Variants in PPID observed in about 807,000 individuals in gnomAD.
PPID encodes the protein peptidylprolyl isomerase D, also known as peptidyl-prolyl cis-trans isomerase D.
PPID carries 47 observed loss-of-function variants against 48.1 expected under a neutral mutation model. The observed-to-expected ratio is 0.98, with a 90% CI of 0.77 to 1.25. PPID has a LOEUF of 1.25. PPID is among the 50% of genes most tolerant of loss of function. The probability of loss-of-function intolerance (pLI) is 0.00; values close to 1 mark genes in which losing one functional copy is unlikely to be tolerated. For synonymous variants in PPID, 163 were observed against 148.8 expected (o/e 1.10, Z -0.69); for missense variants, 429 against 443.5 (o/e 0.97, Z 0.29).
At chr4:158,722,629 T>C (rs10021213) in intron 1 of PPID, among the ~76,000 whole-genome samples, 3 of 152,254 alleles carry the variant, frequency 2.0e-5, no homozygotes, top group Non-Finnish European at 4.4e-5. Context: ...TGAGCGGCTA[T>C]GTAACCTAGG....
At position 158,723,303 on chromosome 4, in the gene PPID, G is replaced by T; in HGVS notation, c.-15C>A. ...GGGTGCGACATCTTGACTTGCAGAC[G>T]TGTTTAGTACGGAATATCAGAGTAC... is the stretch of plus-strand genomic sequence containing the variant. On this transcript the variant is annotated 5_prime_UTR_variant, in exon 1 of 10. Transcript: ENST00000307720. 2 of 1,611,164 alleles carry T rather than the reference G, an allele frequency of 1.2e-6. No homozygotes were observed. The highest frequency in any genetic ancestry group is 1.1e-5 in the South Asian group (1 of 91,002).
intron 7 of PPID, among the ~76,000 whole-genome samples, chr4:158,711,570 T>G (rs907143508): frequency 6.6e-6 from 1 of 152,180 alleles, no homozygotes; most frequent in Non-Finnish European, 1.5e-5. Flanking sequence ...AGAGACTTTA[T>G]GCATCAGGTC....
intron 9 of PPID, chr4:158,710,134 T>G: frequency 2.7e-6 from 1 of 375,318 alleles, no homozygotes; most frequent in Non-Finnish European, 4.8e-6. Flanking sequence ...AGATCTAGTG[T>G]CACTATTCAT....
At chr4:158,719,036 C>T in intron 3 of PPID, 144 bp downstream of exon 3, 1 of 568,246 alleles carries the variant, frequency 1.8e-6, no homozygotes, top group Non-Finnish European at 3.1e-6. Flanking sequence ...TATTAAAGAA[C>T]CATTATTTAC....
rs1554034061 is a variant in PPID at position 158,715,634 on chromosome 4, T to G, written c.573A>C (p.Gly191=). ...CGCCAGAGCCATCTTTTGGGAATAT[T>G]CCCCCGTCATCTCCTTCCTTCAATT... ...CGELKEGDDG[G]IFPKDGSGDS... The change falls in exon 5 of 10, where the codon GGA becomes GGC. Residue 191 remains glycine, a synonymous_variant. Transcript: ENST00000307720. 7 of 1,611,006 alleles carry G rather than the reference T, an allele frequency of 4.3e-6. No individual in the cohort carries two copies. Among genetic ancestry groups the G allele is most frequent in the African/African-American group, 1.3e-5 (1 of 74,960 alleles).
intron 1 of PPID, among the ~76,000 whole-genome samples, chr4:158,722,712 C>A (rs1037558305): frequency 4.6e-5 from 7 of 152,156 alleles, no homozygotes; most frequent in African/African-American, 1.7e-4. Context: ...TCTGAACGGA[C>A]CTCTAAATTA....
At chr4:158,710,702 G>A (rs1443027837) in intron 8 of PPID, 32 bp from the exon 9 acceptor site, 2 of 1,611,456 alleles carry the variant, frequency 1.2e-6, no homozygotes, top group Admixed American at 1.7e-5. Context: ...TAAGTTAGGT[G>A]TATGATTTAT....
At chr4:158,716,678 G>C (rs1318590276) in intron 4 of PPID, among the ~76,000 whole-genome samples, 1 of 151,936 alleles carries the variant, frequency 6.6e-6, no homozygotes, top group Non-Finnish European at 1.5e-5. Context: ...GCAACTAACA[G>C]GCTGGGTGCG....
rs1774990995 is a variant in PPID at position 158,723,147 on chromosome 4, A to T, written c.85+57T>A. 2.1e-5 allele frequency: 32 copies of T among 1,523,444 alleles called. No homozygotes were observed. The South Asian group carries it at 3.3e-4, about 16-fold the overall frequency. The allele number at this position is 1,523,444 out of a possible 1,614,324, so 94.4% of individuals were successfully genotyped here. On this transcript the variant is annotated intron_variant, in intron 1 of 9. Coordinates refer to ENST00000307720, the MANE Select transcript of PPID (RefSeq NM_005038.3). ...CGCATTCCGCCCTTGGAATCCCCCA[A>T]ATCCCGGGAACCCCCGCCTCCTCGG... is the stretch of plus-strand genomic sequence containing the variant.
At chr4:158,712,667 G>T (rs931227208) in intron 7 of PPID, among the ~76,000 whole-genome samples, 4 of 152,124 alleles carry the variant, frequency 2.6e-5, no homozygotes, top group African/African-American at 9.7e-5. Context: ...TGAGGCAGGA[G>T]AATCACTTGA....
intron 9 of PPID, chr4:158,710,249 C>A: frequency 2.9e-6 from 1 of 349,878 alleles, no homozygotes; most frequent in Non-Finnish European, 5.2e-6. Context: ...TGAATGGTCC[C>A]AAATGTTAAA....
chr4:158,715,606 T>C lies in PPID; in HGVS notation c.601A>G (p.Ser201Gly), dbSNP rs1390845320. ...GIFPKDGSGD[S>G]HPDFPEDADI... ...GCATCCTCAGGGAAATCTGGATGAC[T>C]GTCGCCAGAGCCATCTTTTGGGAAT... Residue 201 changes from serine (S) to glycine (G), a missense_variant, in exon 5 of 10, where the codon AGT (serine) becomes GGT (glycine). Coordinates refer to ENST00000307720, the MANE Select transcript of PPID (RefSeq NM_005038.3). 1.2e-6 allele frequency: 2 copies of C among 1,613,874 alleles called. No individual in the cohort carries two copies. Among genetic ancestry groups the C allele is most frequent in the East Asian group, 4.5e-5 (2 of 44,876 alleles).
At position 158,713,276 on chromosome 4, in the gene PPID, A is replaced by AT. The variant is rs1774819317; in HGVS notation, c.753-17dup. The AT allele has an allele frequency of 6.3e-7, 1 of 1,584,860 alleles. No individual in the cohort carries two copies. Among genetic ancestry groups the AT allele is most frequent in the Non-Finnish European group, 8.6e-7 (1 of 1,166,922 alleles). On this transcript the variant is annotated splice_polypyrimidine_tract_variant and intron_variant, in intron 6 of 9. Coordinates refer to ENST00000307720, the MANE Select transcript of PPID (RefSeq NM_005038.3). Reference sequence around the variant, plus strand: ...GTCCACGTATCTGCAGAATGCATTAATAAAAGCAGTATGAAAGACCACATA... The same window carrying AT: ...GTCCACGTATCTGCAGAATGCATTAATTAAAAGCAGTATGAAAGACCACATA...
chr4:158,721,138 C>G (rs1450235227), intron 2 of PPID, among the ~76,000 whole-genome samples: 1 of 152,182 alleles, frequency 6.6e-6, no homozygotes. Context: ...CTAGGGGAGT[C>G]CATTTCTCTA....
chr4:158,718,550 G>T (rs1774906903), intron 3 of PPID, among the ~76,000 whole-genome samples: 1 of 152,028 alleles, frequency 6.6e-6, no homozygotes, highest in Admixed American at 6.6e-5. Context: ...AAACCCTTTG[G>T]TGCCAGTGAT....
chr4:158,715,559 C>T lies in PPID; in HGVS notation c.645+3G>A, dbSNP rs768905766. 2 of 1,613,644 alleles carry T rather than the reference C, an allele frequency of 1.2e-6. No individual in the cohort carries two copies. The highest frequency in any genetic ancestry group is 1.7e-6 in the Non-Finnish European group (2 of 1,179,652). ...AAAGTTTGACTAATCTGAAAGTACT[C>T]ACATCTTTTAAATCTATATCCGCAT... On this transcript the variant is annotated splice_donor_region_variant and intron_variant, in intron 5 of 9. Coordinates refer to ENST00000307720, the MANE Select transcript of PPID (RefSeq NM_005038.3).
At chr4:158,709,915 G>T in intron 9 of PPID, 91 bp from the exon 10 acceptor site, 2 of 994,210 alleles carry the variant, frequency 2.0e-6, no homozygotes, top group South Asian at 1.5e-5. Context: ...ACTACCCCTT[G>T]AAAAAACTTC....
chr4:158,719,568 C>T (rs1237282770), intron 2 of PPID, among the ~76,000 whole-genome samples: 1 of 152,158 alleles, frequency 6.6e-6, no homozygotes. Flanking sequence ...GCTGTATGTC[C>T]TAATTTTTCT....
rs1774816426 is a variant in PPID at position 158,713,137 on chromosome 4, T to C, written c.876A>G (p.Ala292=). Reference sequence around the variant, plus strand: ...GACTTACCTCTAAACAACTGTCAATTGCTCCCTGCCAATTTGACATCTTCA... The same window carrying C: ...GACTTACCTCTAAACAACTGTCAATCGCTCCCTGCCAATTTGACATCTTCA... ...CKLKMSNWQG[A]IDSCLEALEL... Residue 292 remains alanine (A), a synonymous_variant, in exon 7 of 10, where the codon GCA becomes GCG. Coordinates refer to ENST00000307720, the MANE Select transcript of PPID (RefSeq NM_005038.3). 1 of 1,613,968 alleles carries C rather than the reference T, an allele frequency of 6.2e-7. No homozygotes were observed. Among genetic ancestry groups the C allele is most frequent in the Admixed American group, 1.7e-5 (1 of 60,006 alleles).
Sources: allele counts gnomAD v4.1 joint callset (sites outside exome capture counted in the v4.1 genomes callset), GRCh38; gene constraint gnomAD v4.1.1; transcripts MANE v1.5; gene names NCBI Gene and HGNC (gene_info 2026-07-23, HGNC 2026-07-21).